The following IMMP2L variants were observed in gnomAD, a reference collection of about 807,000 sequenced individuals.
IMMP2L encodes inner mitochondrial membrane peptidase subunit 2.
Under a neutral mutation model 19.3 loss-of-function variants are expected in IMMP2L, and 18 were observed. The ratio of observed to expected loss-of-function variants is 0.93; its 90% CI spans 0.64 to 1.38. The LOEUF (loss-of-function observed/expected upper bound fraction) is 1.38. Among genes scored for constraint, IMMP2L ranks in the 40% most tolerant of loss-of-function variants. IMMP2L has a pLI of 0.00. For missense variants in IMMP2L, 233 were observed against 218.2 expected, an observed-to-expected ratio of 1.07 and a Z score of -0.43; for synonymous variants, 76 against 73.0, an observed-to-expected ratio of 1.04 and a Z score of -0.21.
At chr7:111,378,144 G>A (rs1830859498) in intron 3 of IMMP2L, among the ~76,000 whole-genome samples, 1 of 151,842 alleles carries the variant, frequency 6.6e-6, no homozygotes, top group South Asian at 2.1e-4. Flanking sequence ...ATGTAGTTTG[G>A]CAGGTAATAT....
chr7:111,332,123 C>T lies in IMMP2L; in HGVS notation c.239+155115G>A, dbSNP rs563515986. Among the ~76,000 whole-genome samples the T allele has an allele frequency of 5.6e-4, 84 of 151,272 alleles. 1 individual carries two copies. Among genetic ancestry groups the T allele is most frequent in the African/African-American group, 1.6e-3 (67 of 41,326 alleles). On this transcript the variant is annotated intron_variant, in intron 3 of 5. Coordinates refer to ENST00000405709, the MANE Select transcript of IMMP2L (RefSeq NM_032549.4). ...GGAACTAAAGAATATCAATAACAGC[C>T]GAATAACCAGATGTTAAAAGGTCAT...
intron 4 of IMMP2L, among the ~76,000 whole-genome samples, chr7:110,956,493 T>C (rs569241268): frequency 6.6e-6 from 1 of 152,084 alleles, no homozygotes; most frequent in South Asian, 2.1e-4. Context: ...AAAATCCAAT[T>C]ATGTGAAGTG....
chr7:111,536,731 AAAG>A (rs1847922897), intron 1 of IMMP2L, among the ~76,000 whole-genome samples: 1 of 152,198 alleles, frequency 6.6e-6, no homozygotes, highest in South Asian at 2.1e-4. Flanking sequence ...ACTAATTTCC[AAAG>A]AATAATCATT....
intron 3 of IMMP2L, among the ~76,000 whole-genome samples, chr7:111,069,509 G>A (rs1366600867): frequency 6.6e-6 from 1 of 151,972 alleles, no homozygotes; most frequent in African/African-American, 2.4e-5. Context: ...CTGTTTCTAG[G>A]TAAAAAATAT....
intron 4 of IMMP2L, among the ~76,000 whole-genome samples, chr7:110,958,699 C>T (rs1818616732): frequency 6.6e-6 from 1 of 151,932 alleles, no homozygotes. Context: ...GGATGCCTAC[C>T]CCAAAGGTAG....
intron 3 of IMMP2L, among the ~76,000 whole-genome samples, chr7:111,221,313 G>C (rs1445307047): frequency 3.3e-5 from 5 of 152,014 alleles, no homozygotes; most frequent in Admixed American, 1.3e-4. Context: ...AAGACTACTT[G>C]AAAAATTTTA....
intron 3 of IMMP2L, among the ~76,000 whole-genome samples, chr7:111,271,085 G>T (rs1584382147): frequency 6.6e-6 from 1 of 152,280 alleles, no homozygotes; most frequent in African/African-American, 2.4e-5. Context: ...CACGGGGACA[G>T]TTACCCTCAT....
intron 3 of IMMP2L, among the ~76,000 whole-genome samples, chr7:111,370,358 TG>T (rs1336928933): frequency 5.3e-5 from 8 of 152,012 alleles, no homozygotes; most frequent in Non-Finnish European, 8.8e-5. Context: ...ATATTGAATG[TG>T]TTCATTTAGC....
chr7:111,081,869 C>T (rs1474972503), intron 3 of IMMP2L, among the ~76,000 whole-genome samples: 1 of 152,122 alleles, frequency 6.6e-6, no homozygotes, highest in East Asian at 1.9e-4. Flanking sequence ...AAAGAATATA[C>T]TGTAATGAAA....
At chr7:111,536,877 T>C (rs1847935185) in intron 1 of IMMP2L, among the ~76,000 whole-genome samples, 1 of 152,142 alleles carries the variant, frequency 6.6e-6, no homozygotes, top group African/African-American at 2.4e-5. Flanking sequence ...CAATGTTTTA[T>C]TAATTATCAT....
At chr7:111,196,813 T>C (rs1239278972) in intron 3 of IMMP2L, among the ~76,000 whole-genome samples, 4 of 152,162 alleles carry the variant, frequency 2.6e-5, no homozygotes, top group Non-Finnish European at 5.9e-5. Flanking sequence ...ACGTAAACGC[T>C]CTCATACTAT....
intron 3 of IMMP2L, among the ~76,000 whole-genome samples, chr7:111,353,615 T>C (rs1241004778): frequency 3.9e-5 from 6 of 152,150 alleles, no homozygotes; most frequent in Admixed American, 3.9e-4. Context: ...AACTTTTCTT[T>C]ATTGCATTAA....
At chr7:111,559,898 G>T (rs957698752) in intron 1 of IMMP2L, among the ~76,000 whole-genome samples, 1 of 152,092 alleles carries the variant, frequency 6.6e-6, no homozygotes, top group Non-Finnish European at 1.5e-5. Flanking sequence ...GACTGTAAAA[G>T]TCATGCTACT....
At chr7:110,716,333 A>G (rs1343113374) in intron 5 of IMMP2L, among the ~76,000 whole-genome samples, 4 of 152,074 alleles carry the variant, frequency 2.6e-5, no homozygotes, top group Admixed American at 1.3e-4. Context: ...TTTTGATCCT[A>G]TAATGAAGTT....
intron 5 of IMMP2L, among the ~76,000 whole-genome samples, chr7:110,763,839 T>C (rs1407726040): frequency 6.6e-6 from 1 of 152,162 alleles, no homozygotes; most frequent in East Asian, 1.9e-4. Flanking sequence ...TCTGTAGGTA[T>C]ATGGGTGCTT....
At chr7:111,053,662 T>C (rs1400596036) in intron 3 of IMMP2L, among the ~76,000 whole-genome samples, 3 of 152,176 alleles carry the variant, frequency 2.0e-5, no homozygotes, top group African/African-American at 7.2e-5. Context: ...CTCTCCTGCT[T>C]TGTTCATGCC....
intron 4 of IMMP2L, among the ~76,000 whole-genome samples, chr7:110,916,481 A>G (rs1316910200): frequency 2.0e-5 from 3 of 152,242 alleles, no homozygotes; most frequent in Non-Finnish European, 4.4e-5. Context: ...TCGCTGGGAT[A>G]GAAAATTTAC....
chr7:110,743,325 T>C (rs1054371681), intron 5 of IMMP2L, among the ~76,000 whole-genome samples: 6 of 152,194 alleles, frequency 3.9e-5, no homozygotes. Flanking sequence ...ATAGTAATAA[T>C]GCATTATCAA....
chr7:111,065,742 C>A (rs1276880495), intron 3 of IMMP2L, among the ~76,000 whole-genome samples: 2 of 152,220 alleles, frequency 1.3e-5, no homozygotes, highest in Non-Finnish European at 2.9e-5. Flanking sequence ...GAACATTGGA[C>A]TCCAAGTTCT....
Sources: gnomAD v4.1 joint callset for allele counts (sites outside exome capture counted in the v4.1 genomes callset) on GRCh38, gnomAD v4.1.1 for gene constraint, MANE v1.5 for transcripts, NCBI Gene and HGNC (gene_info 2026-07-23, HGNC 2026-07-21) for gene names.